EXOC2: variants seen among roughly 807,000 people sequenced by gnomAD.
EXOC2 encodes SEC5-like 1.
EXOC2 carries 70 observed loss-of-function variants against 131.8 expected under a neutral mutation model. The observed-to-expected ratio is 0.53, with a 90% CI of 0.44 to 0.65. EXOC2 has a LOEUF of 0.65. Ranked by LOEUF, EXOC2 falls within the 30% of genes least tolerant of loss-of-function variation. EXOC2 has a pLI of 0.00. For missense variants in EXOC2, 923 were observed against 1,108.6 expected, an observed-to-expected ratio of 0.83 and a Z score of 2.38; for synonymous variants, 411 against 398.4, an observed-to-expected ratio of 1.03 and a Z score of -0.38.
rs544072652 is a variant in EXOC2, at chr6:486,492, G to T, written c.*179C>A. 9 of 564,930 alleles carry T rather than the reference G, an allele frequency of 1.6e-5. No homozygotes were observed. Among genetic ancestry groups the T allele is most frequent in the Non-Finnish European group, 2.8e-5 (9 of 315,984 alleles). The allele number at this position is 564,930 out of a possible 1,614,324, so 35.0% of individuals were successfully genotyped here. A position where few individuals can be genotyped will look rare whatever the true frequency, so the allele number is the denominator to read the frequency against. ...GAATGGCAAAACAAATACTTCCTGG[G>T]CATTTCAAATGAGGTCATTTTGGTT... is the stretch of plus-strand genomic sequence containing the variant. On this transcript the variant is annotated 3_prime_UTR_variant, in exon 28 of 28. Coordinates refer to ENST00000230449, the MANE Select transcript of EXOC2 (RefSeq NM_018303.6).
intron 2 of EXOC2, 22 bp from the exon 3 acceptor site, chr6:633,139 T>A (rs773341272): frequency 6.2e-6 from 10 of 1,606,440 alleles, no homozygotes; most frequent in Middle Eastern, 1.6e-4. Context: ...CGCATGTGCA[T>A]AACAAAATTC....
intron 27 of EXOC2, among the ~76,000 whole-genome samples, chr6:487,126 G>A (rs1181004830): frequency 1.3e-5 from 2 of 152,188 alleles, no homozygotes; most frequent in East Asian, 3.9e-4. Context: ...TATGAACGCT[G>A]GCAAAGCCAT....
chr6:504,117 C>T (rs1253415130), intron 23 of EXOC2, among the ~76,000 whole-genome samples: 1 of 152,198 alleles, frequency 6.6e-6, no homozygotes, highest in Non-Finnish European at 1.5e-5. Context: ...TAGCCACGTG[C>T]TTTCCCGACT....
rs1241628709 is a variant in EXOC2, at chr6:506,302, G to GT, written c.2381-6603dup. On this transcript the variant is annotated intron_variant, in intron 23 of 27. Coordinates refer to ENST00000230449, the MANE Select transcript of EXOC2 (RefSeq NM_018303.6). The surrounding 1 kb of genome is among the most constrained non-coding windows in gnomAD (Gnocchi z 4.4). ...AGGTATATCAGGATGGAGTGAACAC[G>GT]TAAGTGTGCAGGGAAACCTAAGTTT... Among the ~76,000 whole-genome samples, 3 of 152,212 alleles carry GT rather than the reference G, an allele frequency of 2.0e-5. No individual in the cohort carries two copies. Among genetic ancestry groups the GT allele is most frequent in the Admixed American group, 1.3e-4 (2 of 15,284 alleles).
intron 11 of EXOC2, among the ~76,000 whole-genome samples, chr6:589,894 CAGG>C (rs1759437694): frequency 6.6e-6 from 1 of 152,210 alleles, no homozygotes; most frequent in Non-Finnish European, 1.5e-5. Flanking sequence ...ATCACGAGGT[CAGG>C]AGATCGAGAC....
At chr6:622,573 A>C (rs1761347607) in intron 4 of EXOC2, among the ~76,000 whole-genome samples, 2 of 152,216 alleles carry the variant, frequency 1.3e-5, no homozygotes, top group African/African-American at 4.8e-5. Flanking sequence ...GAAAGTATAA[A>C]ATGCAGACAC....
At chr6:665,373 G>A (rs1206005430) in intron 1 of EXOC2, among the ~76,000 whole-genome samples, 3 of 152,140 alleles carry the variant, frequency 2.0e-5, no homozygotes, top group African/African-American at 4.8e-5. Context: ...AAAACAGTGT[G>A]GAGATTCCTT....
chr6:637,416 T>G (rs894208397), intron 2 of EXOC2, among the ~76,000 whole-genome samples: 2 of 152,202 alleles, frequency 1.3e-5, no homozygotes, highest in African/African-American at 4.8e-5. Flanking sequence ...AGCAGCTCTT[T>G]TGACAATCAA....
intron 1 of EXOC2, among the ~76,000 whole-genome samples, chr6:648,898 TA>T (rs879908039): frequency 1.1e-4 from 17 of 151,576 alleles, no homozygotes; most frequent in Non-Finnish European, 2.2e-4. Flanking sequence ...ATTTTTGTTA[TA>T]TTTTTTTTTT....
chr6:530,637 TCA>T (rs1766021126), intron 23 of EXOC2, among the ~76,000 whole-genome samples: 1 of 152,140 alleles, frequency 6.6e-6, no homozygotes, highest in African/African-American at 2.4e-5. Flanking sequence ...GGCACAGGGT[TCA>T]CAGTGCACGA....
chr6:591,512 A>G (rs1282195672), intron 11 of EXOC2, among the ~76,000 whole-genome samples: 7 of 151,996 alleles, frequency 4.6e-5, no homozygotes, highest in African/African-American at 1.5e-4. Context: ...CTCAAAAGAG[A>G]TGTCACTCCC....
At chr6:552,293 CCT>C (rs895152285) in intron 21 of EXOC2, among the ~76,000 whole-genome samples, 9 of 152,358 alleles carry the variant, frequency 5.9e-5, no homozygotes, top group African/African-American at 2.2e-4. Context: ...AGTGCCGCCC[CCT>C]CTGTGTGTCG....
chr6:637,327 G>C (rs1762148715), intron 2 of EXOC2, among the ~76,000 whole-genome samples: 1 of 152,106 alleles, frequency 6.6e-6, no homozygotes, highest in South Asian at 2.1e-4. Context: ...GAACAGAAAA[G>C]GTGTAATTCA....
chr6:639,024 C>A (rs563341107), intron 1 of EXOC2, among the ~76,000 whole-genome samples: 1 of 152,246 alleles, frequency 6.6e-6, no homozygotes, highest in African/African-American at 2.4e-5. Context: ...AGGCTCAGAG[C>A]AGAACAGTGA....
At chr6:682,408 G>A (rs1180305655) in intron 1 of EXOC2, among the ~76,000 whole-genome samples, 1 of 151,940 alleles carries the variant, frequency 6.6e-6, no homozygotes, top group Non-Finnish European at 1.5e-5. Flanking sequence ...CTCTGTGTTA[G>A]CCAGGATGGT....
intron 7 of EXOC2, among the ~76,000 whole-genome samples, chr6:604,532 A>C (rs953517182): frequency 3.2e-4 from 49 of 152,254 alleles, no homozygotes; most frequent in African/African-American, 9.9e-4. Flanking sequence ...TCGTTCTGTT[A>C]AACTTCTGCG....
At chr6:550,924 CTCTT>C (rs942139099) in intron 21 of EXOC2, among the ~76,000 whole-genome samples, 61 of 151,664 alleles carry the variant, frequency 4.0e-4, no homozygotes, top group Admixed American at 2.5e-3. Flanking sequence ...CCTGTAAATT[CTCTT>C]TGTTTTTCTC....
At chr6:681,451 T>C (rs990073804) in intron 1 of EXOC2, among the ~76,000 whole-genome samples, 3 of 152,180 alleles carry the variant, frequency 2.0e-5, no homozygotes, top group African/African-American at 7.2e-5. Flanking sequence ...TTTAATGCTG[T>C]GTCTCCTTTC....
At chr6:681,418 A>G (rs1764397628) in intron 1 of EXOC2, among the ~76,000 whole-genome samples, 1 of 152,198 alleles carries the variant, frequency 6.6e-6, no homozygotes, top group African/African-American at 2.4e-5. Flanking sequence ...AAAACCAGAA[A>G]TTCTAATTTG....
Sources: gnomAD v4.1 joint callset for allele counts (sites outside exome capture counted in the v4.1 genomes callset) on GRCh38, gnomAD v4.1.1 for gene constraint, Gnocchi (gnomAD v3.1) non-coding constraint, MANE v1.5 for transcripts, NCBI Gene and HGNC (gene_info 2026-07-23, HGNC 2026-07-21) for gene names.